MYCBP2: variants seen among roughly 807,000 people sequenced by gnomAD.
The protein encoded by MYCBP2 is MYC binding protein 2.
In MYCBP2, 120 loss-of-function variants were observed where a neutral mutation model predicts 525.3. The ratio of observed to expected loss-of-function variants is 0.23; its 90% CI spans 0.20 to 0.27. The LOEUF is 0.27. Ranked by LOEUF, MYCBP2 falls within the 10% of genes least tolerant of loss-of-function variation. The pLI is 1.00. For synonymous variants in MYCBP2, 1,894 were observed against 1,955.8 expected (o/e 0.97, Z 0.83); for missense variants, 4,149 against 5,657.1 (o/e 0.73, Z 8.55).
chr13:77,193,409 A>G (rs553369943), intron 27 of MYCBP2, among the ~76,000 whole-genome samples: 1 of 152,228 alleles, frequency 6.6e-6, no homozygotes, highest in East Asian at 1.9e-4. Flanking sequence ...TGTTTCTGAA[A>G]ATATACATTT....
chr13:77,096,773 A>G (rs2046317622), intron 56 of MYCBP2, among the ~76,000 whole-genome samples: 1 of 152,174 alleles, frequency 6.6e-6, no homozygotes, highest in African/African-American at 2.4e-5. Flanking sequence ...CAATAAAATT[A>G]GACAATACAA....
Position 77,262,126 on chromosome 13 carries a change from G to C in MYCBP2, c.1574C>G (p.Thr525Arg), listed in dbSNP as rs761729270. 1 of 1,606,090 alleles carries C rather than the reference G, an allele frequency of 6.2e-7. No individual in the cohort carries two copies. Among genetic ancestry groups the C allele is most frequent in the South Asian group, 1.1e-5 (1 of 89,826 alleles). The stretch of plus-strand genomic sequence containing the variant: ...AATTGCTGACTCCTCATCAAATCCT[G>C]TACCTGAAATACGAGACTAATAAAT... The part of the protein sequence containing the change: ...DLEKDLHIIS[T>R]GFDEESAILG... The change falls in exon 11 of 83, where the codon ACA becomes AGA. Residue 525 changes from threonine to arginine, a missense_variant. Around this residue, in one of 21 missense-constraint regions of MYCBP2, gnomAD observed 262 missense variants for 419.3 expected, o/e 0.62. Transcript: ENST00000544440.
rs145241559 is a variant in MYCBP2 at position 77,170,990 on chromosome 13, A to C, written c.5794+502T>G. Among the ~76,000 whole-genome samples the C allele has an allele frequency of 1.3e-3, 194 of 152,316 alleles. 1 individual carries two copies. Among genetic ancestry groups the C allele is most frequent in the African/African-American group, 4.2e-3 (174 of 41,562 alleles). On this transcript the variant is annotated intron_variant, in intron 38 of 82. Transcript: ENST00000544440. Reference sequence around the variant, plus strand: ...TTATCGGGATATTAACCCTATATTAAAAAATGAAATGTACTTGCACCATGG... The same window carrying C: ...TTATCGGGATATTAACCCTATATTACAAAATGAAATGTACTTGCACCATGG...
At chr13:77,047,936 T>C (rs940182455) in intron 82 of MYCBP2, among the ~76,000 whole-genome samples, 1 of 152,056 alleles carries the variant, frequency 6.6e-6, no homozygotes, top group African/African-American at 2.4e-5. Flanking sequence ...TGGGCCCCCC[T>C]CTCTGCTGGC....
At chr13:77,262,485 T>G (rs2073465856) in intron 10 of MYCBP2, among the ~76,000 whole-genome samples, 1 of 152,036 alleles carries the variant, frequency 6.6e-6, no homozygotes, top group South Asian at 2.1e-4. Flanking sequence ...TTCACAAAAT[T>G]TATCTCATTT....
At position 77,270,551 on chromosome 13, in the gene MYCBP2, G is replaced by A; in HGVS notation, c.946-13C>T. The A allele has an allele frequency of 1.3e-6, 2 of 1,571,680 alleles. No individual in the cohort carries two copies. The highest frequency in any genetic ancestry group is 8.6e-7 in the Non-Finnish European group (1 of 1,159,420). Reference sequence around the variant, plus strand: ...GAATTGTTGGCACCTAATCAAAAGAGAAGAAAAATAATGAAAAAACATTTT... The same window carrying A: ...GAATTGTTGGCACCTAATCAAAAGAAAAGAAAAATAATGAAAAAACATTTT... On this transcript the variant is annotated splice_polypyrimidine_tract_variant and intron_variant, in intron 5 of 82. Coordinates refer to ENST00000544440, the MANE Select transcript of MYCBP2 (RefSeq NM_015057.5).
At chr13:77,082,051 G>A in intron 63 of MYCBP2, 58 bp from the exon 64 acceptor site, 2 of 1,460,480 alleles carry the variant, frequency 1.4e-6, no homozygotes, top group African/African-American at 1.4e-5. Context: ...AACATCTAAG[G>A]AACTCTTAGA....
chr13:77,087,636 G>T lies in MYCBP2; in HGVS notation c.10726-3C>A. The T allele has an allele frequency of 6.2e-7, 1 of 1,608,272 alleles. No individual in the cohort carries two copies. The highest frequency in any genetic ancestry group is 8.5e-7 in the Non-Finnish European group (1 of 1,177,482). ...TTACACAGAAGCCAGTTGAAAGCCT[G>T]AAGAAATGACGGTTAAATGAGTTCA... is the stretch of plus-strand genomic sequence containing the variant. On this transcript the variant is annotated splice_polypyrimidine_tract_variant and splice_region_variant and intron_variant, in intron 61 of 82. Transcript: ENST00000544440.
At chr13:77,301,396 C>A (rs1460344670) in intron 1 of MYCBP2, among the ~76,000 whole-genome samples, 1 of 134,178 alleles carries the variant, frequency 7.5e-6, no homozygotes, top group Non-Finnish European at 1.5e-5. Flanking sequence ...GCACTCCAGC[C>A]TGGGCTACAG....
At chr13:77,198,517 T>C (rs776057529) in intron 26 of MYCBP2, among the ~76,000 whole-genome samples, 6 of 152,250 alleles carry the variant, frequency 3.9e-5, no homozygotes, top group Non-Finnish European at 8.8e-5. Flanking sequence ...TTGTGAAGCC[T>C]GCTATTGAAA....
chr13:77,174,589 G>C, intron 36 of MYCBP2, 100 bp from the exon 37 acceptor site: 1 of 854,256 alleles, frequency 1.2e-6, no homozygotes, highest in Non-Finnish European at 1.8e-6. Flanking sequence ...GAAATTCTTT[G>C]TCATATTTAC....
chr13:77,277,110 T>A (rs1473407165), intron 4 of MYCBP2, among the ~76,000 whole-genome samples: 1 of 152,020 alleles, frequency 6.6e-6, no homozygotes, highest in East Asian at 1.9e-4. Flanking sequence ...ACATGAGACA[T>A]GAGAATGGTA....
chr13:77,191,765 C>T lies in MYCBP2; in HGVS notation c.3984G>A (p.Gly1328=). The T allele has an allele frequency of 1.2e-6, 2 of 1,614,112 alleles. No individual in the cohort carries two copies. Among genetic ancestry groups the T allele is most frequent in the Middle Eastern group, 1.7e-4 (1 of 6,060 alleles). ...CTCGGGCCCATGCCACATACCACCA[C>T]CCAGCTTGCAGGAGAACAGGCTCAT... is the stretch of plus-strand genomic sequence containing the variant. The part of the protein sequence containing the change: ...MFDEPVLLQA[G]WWYVAWARVS... Residue 1328 remains glycine, a synonymous_variant, in exon 28 of 83, where the codon GGG becomes GGA. Coordinates refer to ENST00000544440, the MANE Select transcript of MYCBP2 (RefSeq NM_015057.5).
At chr13:77,130,405 C>A (rs1457783270) in intron 52 of MYCBP2, among the ~76,000 whole-genome samples, 1 of 151,094 alleles carries the variant, frequency 6.6e-6, no homozygotes, top group Non-Finnish European at 1.5e-5. Flanking sequence ...TTTTCCATAT[C>A]CATATATATA....
intron 55 of MYCBP2, among the ~76,000 whole-genome samples, chr13:77,117,920 A>G (rs1415961109): frequency 6.6e-6 from 1 of 152,202 alleles, no homozygotes; most frequent in Non-Finnish European, 1.5e-5. Context: ...TAAAGACAGG[A>G]AACAACAATT....
intron 20 of MYCBP2, among the ~76,000 whole-genome samples, chr13:77,223,473 T>A (rs1204233478): frequency 1.3e-5 from 2 of 152,194 alleles, no homozygotes; most frequent in African/African-American, 4.8e-5. Flanking sequence ...AAAGATGGAT[T>A]TTCTATTACT....
intron 7 of MYCBP2, among the ~76,000 whole-genome samples, chr13:77,268,780 C>CAA (rs773374360): frequency 1.6e-5 from 2 of 128,940 alleles, no homozygotes; most frequent in Non-Finnish European, 3.4e-5. Context: ...ACTACAACTC[C>CAA]AAAAAAAAAA....
chr13:77,188,554 A>G (rs1233501230), intron 30 of MYCBP2, among the ~76,000 whole-genome samples: 1 of 152,226 alleles, frequency 6.6e-6, no homozygotes, highest in Non-Finnish European at 1.5e-5. Flanking sequence ...AAGTGGTTCA[A>G]CAAACTTCCT....
At position 77,185,270 on chromosome 13, in the gene MYCBP2, C is replaced by T. The variant is rs1220606644; in HGVS notation, c.4552G>A (p.Val1518Met). The change falls in exon 32 of 83, where the codon GTG (valine) becomes ATG (methionine). Residue 1518 changes from valine (V) to methionine (M), a missense_variant. This residue lies in a region of MYCBP2 where 292 missense variants were observed against 330.5 expected (regional missense o/e 0.88). Transcript: ENST00000544440. ...CCTTGAGGATCATTATCCAATTTCA[C>T]CATGCAGTGATCAACTCCTTCTGAT... ...ILSEGVDHCMVKLDNDPQGYL... is the reference protein window; with the variant it reads ...ILSEGVDHCMMKLDNDPQGYL... The T allele has an allele frequency of 1.2e-6, 2 of 1,614,024 alleles. No homozygotes were observed. The highest frequency in any genetic ancestry group is 1.3e-5 in the African/African-American group (1 of 75,026).
Sources: gnomAD v4.1 joint callset for allele counts (sites outside exome capture counted in the v4.1 genomes callset) on GRCh38, gnomAD v4.1.1 for gene constraint, gnomAD v4.1.1 regional missense constraint, MANE v1.5 for transcripts, NCBI Gene and HGNC (gene_info 2026-07-23, HGNC 2026-07-21) for gene names.